CACNB2: variants seen among roughly 807,000 people sequenced by gnomAD.
The protein encoded by CACNB2 is calcium voltage-gated channel auxiliary subunit beta 2.
In CACNB2, 42 loss-of-function variants were observed where a neutral mutation model predicts 73.3. That is an observed-to-expected ratio of 0.57 (90% CI 0.45 to 0.74). The LOEUF is 0.74. Ranked by LOEUF, CACNB2 falls within the 30% of genes least tolerant of loss-of-function variation. The probability of loss-of-function intolerance (pLI) is 0.00; values close to 1 mark genes in which losing one functional copy is unlikely to be tolerated. For missense variants in CACNB2, 940 were observed against 853.0 expected, an observed-to-expected ratio of 1.10 and a Z score of -1.27; for synonymous variants, 348 against 310.3, an observed-to-expected ratio of 1.12 and a Z score of -1.28.
rs540582448 is a variant in CACNB2 at position 18,517,334 on chromosome 10, A to T, written c.805-1002A>T. Among the ~76,000 whole-genome samples the T allele has an allele frequency of 5.3e-5, 8 of 152,294 alleles. No homozygotes were observed. In the South Asian group the frequency reaches 1.5e-3, roughly 28 times the overall value. On this transcript the variant is annotated intron_variant, in intron 7 of 13. Transcript: ENST00000324631. ...GTCAATTTAGCATTTTATGCTATCAAAAGAGCCAATTTTAATATAAACCAA... is the reference window on the plus strand; with the variant it reads ...GTCAATTTAGCATTTTATGCTATCATAAGAGCCAATTTTAATATAAACCAA...
intron 2 of CACNB2, among the ~76,000 whole-genome samples, chr10:18,388,922 C>T (rs1400645562): frequency 6.6e-6 from 1 of 152,108 alleles, no homozygotes; most frequent in Non-Finnish European, 1.5e-5. Flanking sequence ...CTCCCTTCCC[C>T]ATATGCAAAC....
intron 3 of CACNB2, among the ~76,000 whole-genome samples, chr10:18,430,533 G>C (rs1014319596): frequency 3.9e-5 from 6 of 152,164 alleles, no homozygotes; most frequent in African/African-American, 1.4e-4. Flanking sequence ...GGGAGGCTGA[G>C]GTGGGAGGAT....
At chr10:18,341,751 T>A (rs1315136848) in intron 2 of CACNB2, among the ~76,000 whole-genome samples, 1 of 152,198 alleles carries the variant, frequency 6.6e-6, no homozygotes, top group Non-Finnish European at 1.5e-5. Flanking sequence ...TTCTAATTGT[T>A]CCAACCTATA....
At chr10:18,455,098 C>T (rs1700552455) in intron 3 of CACNB2, among the ~76,000 whole-genome samples, 1 of 150,142 alleles carries the variant, frequency 6.7e-6, no homozygotes, top group Non-Finnish European at 1.5e-5. Flanking sequence ...ACACCAAAGT[C>T]ATAATGAGAG....
rs553241490 is a variant in CACNB2 at position 18,240,190 on chromosome 10, A to G, written c.213+89215A>G. Among the ~76,000 whole-genome samples the G allele has an allele frequency of 2.0e-5, 3 of 152,356 alleles. No individual in the cohort carries two copies. The South Asian group carries it at 6.2e-4, about 32-fold the overall frequency. ...TGTTGACATTAGAGAAATGCCTAAAAACACATTCTCCTTGACATTTTGTTC... is the reference window on the plus strand; with the variant it reads ...TGTTGACATTAGAGAAATGCCTAAAGACACATTCTCCTTGACATTTTGTTC... On this transcript the variant is annotated intron_variant, in intron 2 of 13. Coordinates refer to ENST00000324631, the MANE Select transcript of CACNB2 (RefSeq NM_201596.3).
chr10:18,536,242 CCTTTTTTTT>C (rs1564670337), intron 12 of CACNB2, 46 bp downstream of exon 12: 1 of 280,444 alleles, frequency 3.6e-6, no homozygotes, highest in East Asian at 9.8e-5. Flanking sequence ...AGAGATCAGA[CCTTTTTTTT>C]TTTTTTTTTT....
chr10:18,212,363 G>GT (rs35921882), intron 2 of CACNB2, among the ~76,000 whole-genome samples: 2 of 151,766 alleles, frequency 1.3e-5, no homozygotes, highest in Non-Finnish European at 2.9e-5. Context: ...CATATATTGT[G>GT]TTTTTTTGCT....
At chr10:18,498,646 C>G (rs966819922) in intron 4 of CACNB2, 169 bp downstream of exon 4, 1 of 692,448 alleles carries the variant, frequency 1.4e-6, no homozygotes, top group South Asian at 1.8e-5. Flanking sequence ...ATAAATATAC[C>G]TTTTAAAGTG....
chr10:18,498,332 C>T, intron 3 of CACNB2, 23 bp from the exon 4 acceptor site: 1 of 1,613,826 alleles, frequency 6.2e-7, no homozygotes, highest in Non-Finnish European at 8.5e-7. Context: ...TTATTTTTTT[C>T]CCTCTTCCTT....
chr10:18,409,926 T>C (rs777055469), intron 3 of CACNB2, among the ~76,000 whole-genome samples: 1 of 152,168 alleles, frequency 6.6e-6, no homozygotes, highest in Non-Finnish European at 1.5e-5. Flanking sequence ...CAGCTATCCT[T>C]CTGATTGTCT....
intron 2 of CACNB2, among the ~76,000 whole-genome samples, chr10:18,246,967 G>T (rs2036885343): frequency 1.3e-5 from 2 of 152,084 alleles, no homozygotes; most frequent in Non-Finnish European, 2.9e-5. Context: ...CCTTTTGCCT[G>T]CCTTGCATAC....
intron 2 of CACNB2, among the ~76,000 whole-genome samples, chr10:18,267,315 T>G (rs1403462187): frequency 1.3e-5 from 2 of 152,120 alleles, no homozygotes. Context: ...TTATTAAAAT[T>G]AAATAAGGGG....
chr10:18,515,853 T>C (rs1217021122), intron 7 of CACNB2, among the ~76,000 whole-genome samples: 3 of 152,156 alleles, frequency 2.0e-5, no homozygotes, highest in African/African-American at 7.2e-5. Flanking sequence ...TCAAGATAGG[T>C]TTGTGAAGTT....
chr10:18,264,466 A>C (rs2037698672), intron 2 of CACNB2, among the ~76,000 whole-genome samples: 1 of 152,222 alleles, frequency 6.6e-6, no homozygotes, highest in Non-Finnish European at 1.5e-5. Context: ...ACCAACACTC[A>C]AATCAAGAAA....
chr10:18,227,833 A>G (rs141198330), intron 2 of CACNB2, among the ~76,000 whole-genome samples: 1 of 152,342 alleles, frequency 6.6e-6, no homozygotes, highest in African/African-American at 2.4e-5. Flanking sequence ...ATAAAGTAGG[A>G]ATCAAAAGGC....
intron 3 of CACNB2, among the ~76,000 whole-genome samples, chr10:18,406,918 G>A (rs1235497755): frequency 2.0e-5 from 3 of 151,968 alleles, no homozygotes; most frequent in Admixed American, 1.3e-4. Context: ...TGTATGCGAC[G>A]GTCAGTGTAC....
chr10:18,505,986 C>A (rs1589581830), intron 5 of CACNB2, among the ~76,000 whole-genome samples: 1 of 152,130 alleles, frequency 6.6e-6, no homozygotes, highest in South Asian at 2.1e-4. Flanking sequence ...TCATATGGCT[C>A]TGTTGTTCTT....
intron 2 of CACNB2, among the ~76,000 whole-genome samples, chr10:18,353,279 G>C (rs1409290068): frequency 6.6e-6 from 1 of 151,992 alleles, no homozygotes; most frequent in Non-Finnish European, 1.5e-5. Flanking sequence ...GCACAGTGGT[G>C]GGCACCTGTA....
At chr10:18,252,388 A>T (rs574966703) in intron 2 of CACNB2, among the ~76,000 whole-genome samples, 86 of 152,312 alleles carry the variant, frequency 5.6e-4, no homozygotes, top group Middle Eastern at 3.4e-3. Flanking sequence ...TGGATGGTAA[A>T]TTACATAACC....
Sources: gnomAD v4.1 joint callset for allele counts (sites outside exome capture counted in the v4.1 genomes callset) on GRCh38, gnomAD v4.1.1 for gene constraint, MANE v1.5 for transcripts, NCBI Gene and HGNC (gene_info 2026-07-23, HGNC 2026-07-21) for gene names.